The following CAMKMT variants were observed in gnomAD, a reference collection of about 807,000 sequenced individuals.
CAMKMT encodes the protein CaM KMT.
A neutral mutation model predicts 48.0 loss-of-function variants in CAMKMT; 53 were observed. That is an observed-to-expected ratio of 1.10 (90% confidence interval 0.89 to 1.39). The LOEUF (loss-of-function observed/expected upper bound fraction) is 1.39. CAMKMT is among the 40% of genes most tolerant of loss of function. The pLI is 0.00. For synonymous variants in CAMKMT, 165 were observed against 152.3 expected (o/e 1.08, Z -0.61); for missense variants, 428 against 402.7 (o/e 1.06, Z -0.54).
chr2:44,698,337 A>G (rs923448665), intron 3 of CAMKMT, among the ~76,000 whole-genome samples: 1 of 152,226 alleles, frequency 6.6e-6, no homozygotes, highest in Non-Finnish European at 1.5e-5. Flanking sequence ...TCATATAAAT[A>G]AAAACATACA....
At chr2:44,412,295 T>G (rs1067391) in intron 3 of CAMKMT, among the ~76,000 whole-genome samples, 87,352 of 151,846 alleles carry the variant, frequency 0.58, 26,135 homozygotes, top group Non-Finnish European at 0.67. Context: ...TGACACAAAT[T>G]GTTTTTGGGC....
chr2:44,758,320 T>A (rs1573241640), intron 9 of CAMKMT, among the ~76,000 whole-genome samples: 1 of 151,928 alleles, frequency 6.6e-6, no homozygotes, highest in African/African-American at 2.4e-5. Flanking sequence ...TGAAGAGAGG[T>A]CCCCAGAGAG....
chr2:44,386,295 C>G (rs1324351501), intron 2 of CAMKMT, among the ~76,000 whole-genome samples: 3 of 151,922 alleles, frequency 2.0e-5, no homozygotes, highest in Non-Finnish European at 4.4e-5. Context: ...TCTAGGTTTT[C>G]TAGTTTATGT....
chr2:44,551,854 A>G (rs1194904102), intron 3 of CAMKMT, among the ~76,000 whole-genome samples: 1 of 152,186 alleles, frequency 6.6e-6, no homozygotes, highest in Non-Finnish European at 1.5e-5. Context: ...ACAGAAGAGA[A>G]AACTGAGTCC....
intron 7 of CAMKMT, among the ~76,000 whole-genome samples, chr2:44,735,420 C>A (rs1309317053): frequency 1.3e-5 from 2 of 151,934 alleles, no homozygotes; most frequent in Non-Finnish European, 2.9e-5. Flanking sequence ...TTCTTTGTTC[C>A]CCCTTTCATC....
intron 7 of CAMKMT, among the ~76,000 whole-genome samples, chr2:44,738,777 G>A (rs1348328640): frequency 6.6e-6 from 1 of 152,146 alleles, no homozygotes; most frequent in Non-Finnish European, 1.5e-5. Context: ...CAAGATAAGG[G>A]GGTTTTAGAA....
At chr2:44,479,546 G>A (rs1295456506) in intron 3 of CAMKMT, among the ~76,000 whole-genome samples, 1 of 152,196 alleles carries the variant, frequency 6.6e-6, no homozygotes, top group Admixed American at 6.5e-5. Flanking sequence ...GTTAAGAAAA[G>A]TGCCTACACA....
At chr2:44,500,041 A>G (rs1228199580) in intron 3 of CAMKMT, among the ~76,000 whole-genome samples, 1 of 152,216 alleles carries the variant, frequency 6.6e-6, no homozygotes, top group African/African-American at 2.4e-5. Flanking sequence ...AATAGCTTCA[A>G]GAAGTAAATA....
intron 3 of CAMKMT, among the ~76,000 whole-genome samples, chr2:44,410,658 A>T (rs1298412161): frequency 6.6e-6 from 1 of 152,128 alleles, no homozygotes; most frequent in Non-Finnish European, 1.5e-5. Context: ...ATTCAAAGCA[A>T]TATGTCAGTT....
chr2:44,720,022 C>T (rs1678375590), intron 7 of CAMKMT, among the ~76,000 whole-genome samples: 1 of 152,180 alleles, frequency 6.6e-6, no homozygotes, highest in African/African-American at 2.4e-5. Flanking sequence ...ATGAAATTAT[C>T]ATGTGTACTT....
At chr2:44,428,870 G>A (rs556397071) in intron 3 of CAMKMT, among the ~76,000 whole-genome samples, 4 of 152,228 alleles carry the variant, frequency 2.6e-5, no homozygotes, top group East Asian at 1.9e-4. Context: ...CTCAAAGCAC[G>A]GGCAGAAGGC....
intron 3 of CAMKMT, among the ~76,000 whole-genome samples, chr2:44,491,172 G>T (rs1174654726): frequency 7.1e-6 from 1 of 140,778 alleles, no homozygotes; most frequent in Non-Finnish European, 1.6e-5. Context: ...AAAAAAAAAG[G>T]TAAATGCAGA....
intron 3 of CAMKMT, among the ~76,000 whole-genome samples, chr2:44,642,466 G>A (rs1673500597): frequency 6.6e-6 from 1 of 152,178 alleles, no homozygotes; most frequent in African/African-American, 2.4e-5. Flanking sequence ...GGCTGAACGG[G>A]GCACAGGTCT....
At chr2:44,637,228 G>C (rs1214885601) in intron 3 of CAMKMT, among the ~76,000 whole-genome samples, 1 of 152,164 alleles carries the variant, frequency 6.6e-6, no homozygotes, top group Non-Finnish European at 1.5e-5. Flanking sequence ...GTTTGCTTAA[G>C]TCATTTCAGT....
chr2:44,520,426 T>C (rs917619004), intron 3 of CAMKMT, among the ~76,000 whole-genome samples: 7 of 152,098 alleles, frequency 4.6e-5, no homozygotes, highest in Non-Finnish European at 1.0e-4. Flanking sequence ...CCTCAAAGCA[T>C]TTTAAATTAC....
At chr2:44,373,676 A>T (rs975833718) in intron 2 of CAMKMT, among the ~76,000 whole-genome samples, 1 of 152,220 alleles carries the variant, frequency 6.6e-6, no homozygotes, top group Admixed American at 6.5e-5. Context: ...AAATTTTCAC[A>T]AAGGGTATCT....
chr2:44,505,842 CTTTATTTATTTATTTATTTA>C (rs59024414), intron 3 of CAMKMT, among the ~76,000 whole-genome samples: 19 of 148,422 alleles, frequency 1.3e-4, no homozygotes, highest in East Asian at 2.0e-4. Context: ...AGTTTATTTA[CTTTATTTATTTATTTATTTA>C]TTTATTTATT....
At chr2:44,485,443 CAAAAT>C (rs906201536) in intron 3 of CAMKMT, among the ~76,000 whole-genome samples, 49 of 152,264 alleles carry the variant, frequency 3.2e-4, no homozygotes, top group African/African-American at 1.2e-3. Flanking sequence ...ATGACAGACT[CAAAAT>C]AATACATACA....
Position 44,362,012 on chromosome 2 carries a change from A to T in CAMKMT, c.5A>T (p.Glu2Val). M[E>V]SRVADAGTGE... Reference sequence around the variant, plus strand: ...GGTGTGGAAGGCTCCAGTGAGATGGAGTCGCGAGTCGCGGACGCTGGGACC... The same window carrying T: ...GGTGTGGAAGGCTCCAGTGAGATGGTGTCGCGAGTCGCGGACGCTGGGACC... The change falls in exon 1 of 11, where the codon GAG (glutamate) becomes GTG (valine). Residue 2 changes from glutamate to valine, a missense_variant. Physicochemically the swap from Glu to Val is moderately radical, Grantham distance 121. Coordinates refer to ENST00000378494, the MANE Select transcript of CAMKMT (RefSeq NM_024766.5). The T allele has an allele frequency of 7.1e-7, 1 of 1,408,588 alleles. No individual in the cohort carries two copies. Among genetic ancestry groups the T allele is most frequent in the South Asian group, 1.5e-5 (1 of 64,592 alleles). 87.3% of individuals were successfully genotyped at this position (1,408,588 alleles called of 1,614,324 possible).
Sources: gnomAD v4.1 joint callset for allele counts (sites outside exome capture counted in the v4.1 genomes callset) on GRCh38, gnomAD v4.1.1 for gene constraint, MANE v1.5 for transcripts, NCBI Gene and HGNC (gene_info 2026-07-23, HGNC 2026-07-21) for gene names.